C10orf67: variants seen among roughly 807,000 people sequenced by gnomAD.
C10orf67 encodes the protein uncharacterized protein C10orf67, mitochondrial.
C10orf67 carries 60 observed loss-of-function variants against 35.6 expected under a neutral mutation model. The observed-to-expected ratio is 1.68, with a 90% CI of 1.37 to 2.09. The LOEUF (loss-of-function observed/expected upper bound fraction) is 2.09. C10orf67 is among the 30% of genes most tolerant of loss of function. The pLI is 0.00. For synonymous variants in C10orf67, 167 were observed against 115.8 expected (o/e 1.44, Z -2.84); for missense variants, 474 against 330.2 (o/e 1.44, Z -3.38).
chr10:23,333,659 TC>T (rs745987864), intron 1 of C10orf67, among the ~76,000 whole-genome samples: 2 of 152,192 alleles, frequency 1.3e-5, no homozygotes, highest in Non-Finnish European at 2.9e-5. Flanking sequence ...TTACTGTCAT[TC>T]TCTCACAAAT....
At chr10:23,226,432 T>A (rs187932582) in intron 13 of C10orf67, among the ~76,000 whole-genome samples, 3 of 151,664 alleles carry the variant, frequency 2.0e-5, no homozygotes, top group Admixed American at 2.0e-4. Flanking sequence ...TGGGACACAT[T>A]TAAAGCAGTG....
At chr10:23,228,863 G>T (rs1179561920) in intron 13 of C10orf67, among the ~76,000 whole-genome samples, 1 of 152,118 alleles carries the variant, frequency 6.6e-6, no homozygotes, top group East Asian at 1.9e-4. Context: ...TCAGAGAAAT[G>T]CAAATCAAAA....
At chr10:23,317,727 T>C (rs1038433558) in intron 4 of C10orf67, 3 of 152,046 alleles carry the variant, frequency 2.0e-5, no homozygotes, top group Admixed American at 1.3e-4. Flanking sequence ...ACAAAATCAA[T>C]ATATATAAAA....
chr10:23,322,944 C>A (rs1779431075), intron 2 of C10orf67, among the ~76,000 whole-genome samples: 1 of 152,038 alleles, frequency 6.6e-6, no homozygotes, highest in African/African-American at 2.4e-5. Context: ...TGGTTCTGGA[C>A]ATATAAGCTG....
intron 7 of C10orf67, among the ~76,000 whole-genome samples, chr10:23,286,418 G>A (rs1457226871): frequency 1.8e-5 from 1 of 55,560 alleles, no homozygotes; most frequent in Non-Finnish European, 3.7e-5. Context: ...GGGGAGGGGA[G>A]GGGAGGGGAG....
chr10:23,291,578 C>T (rs867101911), intron 5 of C10orf67, among the ~76,000 whole-genome samples: 1 of 152,178 alleles, frequency 6.6e-6, no homozygotes, highest in Non-Finnish European at 1.5e-5. Context: ...TCCGGGGAGG[C>T]AGCTGGGGCC....
intron 4 of C10orf67, among the ~76,000 whole-genome samples, chr10:23,307,456 G>A (rs370794955): frequency 6.6e-5 from 10 of 151,902 alleles, no homozygotes; most frequent in Admixed American, 2.0e-4. Context: ...AATATATGAA[G>A]GTGGCTATGA....
intron 12 of C10orf67, among the ~76,000 whole-genome samples, chr10:23,245,836 C>G (rs1032967963): frequency 2.6e-5 from 4 of 152,220 alleles, no homozygotes; most frequent in African/African-American, 9.6e-5. Context: ...TTTGATCCAG[C>G]AACTCCACTG....
At chr10:23,323,915 ATATATAT>A (rs1845069440) in intron 2 of C10orf67, among the ~76,000 whole-genome samples, 2 of 28,350 alleles carry the variant, frequency 7.1e-5, no homozygotes, top group African/African-American at 4.8e-4. Context: ...ATATATATAT[ATATATAT>A]ATATATATAT....
At chr10:23,305,230 T>C (rs537385585) in intron 4 of C10orf67, among the ~76,000 whole-genome samples, 78 of 152,334 alleles carry the variant, frequency 5.1e-4, no homozygotes, top group Admixed American at 1.4e-3. Context: ...AATCATTTGA[T>C]AAGTAAATCA....
At chr10:23,301,536 G>C (rs1026307568) in intron 5 of C10orf67, among the ~76,000 whole-genome samples, 2 of 152,196 alleles carry the variant, frequency 1.3e-5, no homozygotes, top group African/African-American at 2.4e-5. Flanking sequence ...ATGTTACTGG[G>C]GGGTCCTTGC....
chr10:23,326,945 C>A (rs1329393052), intron 2 of C10orf67, among the ~76,000 whole-genome samples: 1 of 151,652 alleles, frequency 6.6e-6, no homozygotes, highest in East Asian at 1.9e-4. Flanking sequence ...GAGTTAACTG[C>A]AAAAATATTA....
intron 8 of C10orf67, among the ~76,000 whole-genome samples, chr10:23,270,543 C>G (rs3891382): frequency 1.3e-5 from 2 of 152,106 alleles, no homozygotes; most frequent in African/African-American, 4.8e-5. Flanking sequence ...GTACCTTCCC[C>G]GGGGAAGGGG....
At chr10:23,235,735 A>G (rs1325598539) in intron 13 of C10orf67, among the ~76,000 whole-genome samples, 3 of 152,264 alleles carry the variant, frequency 2.0e-5, no homozygotes, top group Admixed American at 6.5e-5. Flanking sequence ...ACCAATCAGC[A>G]CATGAAAAGA....
chr10:23,205,320 A>G (rs1460902142), intron 15 of C10orf67, among the ~76,000 whole-genome samples: 1 of 152,234 alleles, frequency 6.6e-6, no homozygotes, highest in Non-Finnish European at 1.5e-5. Flanking sequence ...GATGCCTGGA[A>G]ATAGCATAAA....
chr10:23,320,894 G>C, intron 3 of C10orf67, 79 bp from the exon 4 acceptor site: 5 of 917,636 alleles, frequency 5.4e-6, no homozygotes, highest in Middle Eastern at 2.1e-4. Flanking sequence ...GGGACTCATA[G>C]TAAAAAAACA....
chr10:23,310,872 T>C (rs968769972), intron 4 of C10orf67, among the ~76,000 whole-genome samples: 2 of 152,196 alleles, frequency 1.3e-5, no homozygotes, highest in African/African-American at 4.8e-5. Flanking sequence ...AAGATCTCTC[T>C]TATATTTCCT....
intron 4 of C10orf67, among the ~76,000 whole-genome samples, chr10:23,306,717 G>C (rs1373873458): frequency 6.6e-6 from 1 of 152,054 alleles, no homozygotes; most frequent in African/African-American, 2.4e-5. Flanking sequence ...CAAGAGAGCA[G>C]ATCTTGTGTC....
intron 10 of C10orf67, among the ~76,000 whole-genome samples, chr10:23,253,291 C>T (rs1440443519): frequency 1.3e-5 from 2 of 152,048 alleles, no homozygotes; most frequent in Non-Finnish European, 2.9e-5. Flanking sequence ...TTGGATAAGG[C>T]CATTCATCAA....
Sources: gnomAD v4.1 joint callset for allele counts (sites outside exome capture counted in the v4.1 genomes callset) on GRCh38, gnomAD v4.1.1 for gene constraint, MANE v1.5 for transcripts, NCBI Gene and HGNC (gene_info 2026-07-23, HGNC 2026-07-21) for gene names.